The following INTS10 variants were observed in gnomAD, a reference collection of about 807,000 sequenced individuals.
INTS10 encodes chromosome 8 open reading frame 35.
A neutral mutation model predicts 94.4 loss-of-function variants in INTS10; 44 were observed. The ratio of observed to expected loss-of-function variants is 0.47; its 90% CI spans 0.37 to 0.60. INTS10 has a LOEUF of 0.60. Ranked by LOEUF, INTS10 falls within the 20% of genes least tolerant of loss-of-function variation. The pLI, the probability that INTS10 is intolerant of heterozygous loss-of-function variation, is 0.00. For synonymous variants in INTS10, 341 were observed against 320.7 expected (o/e 1.06, Z -0.68); for missense variants, 797 against 868.7 (o/e 0.92, Z 1.04).
intron 5 of INTS10, 93 bp from the exon 6 acceptor site, chr8:19,823,208 C>G: frequency 1.1e-6 from 1 of 930,700 alleles, no homozygotes; most frequent in Non-Finnish European, 1.7e-6. Context: ...ATTTTAGATA[C>G]TACATCAAAT....
intron 8 of INTS10, 35 bp downstream of exon 8, chr8:19,825,007 A>T (rs1384939145): frequency 6.4e-7 from 1 of 1,563,544 alleles, no homozygotes; most frequent in Admixed American, 1.7e-5. Context: ...CCAAAAAGCC[A>T]GTTCATACTG....
intron 12 of INTS10, among the ~76,000 whole-genome samples, chr8:19,833,953 G>A (rs866228366): frequency 1.6e-4 from 24 of 150,006 alleles, no homozygotes; most frequent in African/African-American, 5.2e-4. Context: ...GTTGCAGTGA[G>A]CCAAGATTGT....
At chr8:19,826,172 T>G (rs2128764217) in intron 8 of INTS10, among the ~76,000 whole-genome samples, 1 of 152,254 alleles carries the variant, frequency 6.6e-6, no homozygotes, top group Non-Finnish European at 1.5e-5. Context: ...CTCCGCCTCC[T>G]GGGTTCAAGC....
chr8:19,827,318 G>C (rs2066879334), intron 9 of INTS10, among the ~76,000 whole-genome samples: 1 of 152,168 alleles, frequency 6.6e-6, no homozygotes, highest in South Asian at 2.1e-4. Context: ...GCCCAAACGA[G>C]TCTCCCTCTG....
chr8:19,836,656 A>T (rs566790135), intron 12 of INTS10, among the ~76,000 whole-genome samples: 1 of 152,154 alleles, frequency 6.6e-6, no homozygotes, highest in Non-Finnish European at 1.5e-5. Context: ...GTTATGCTCT[A>T]TATCATACTC....
At chr8:19,823,694 T>C (rs1161303748) in intron 6 of INTS10, among the ~76,000 whole-genome samples, 179 bp from the exon 7 acceptor site, 1 of 152,142 alleles carries the variant, frequency 6.6e-6, no homozygotes, top group Non-Finnish European at 1.5e-5. Flanking sequence ...CATGATGAAG[T>C]AGTGGAAATT....
At chr8:19,822,044 C>G (rs964604706) in intron 4 of INTS10, 3 of 162,002 alleles carry the variant, frequency 1.9e-5, no homozygotes, top group East Asian at 1.7e-4. Context: ...TACGTTTTGT[C>G]TATATTGATA....
In INTS10 at chr8:19,817,678, G is replaced by A. The variant is rs766838033; in HGVS notation, c.129+12G>A. 1 of 1,600,164 alleles carries A rather than the reference G, an allele frequency of 6.2e-7. No homozygotes were observed. The highest frequency in any genetic ancestry group is 1.1e-5 in the South Asian group (1 of 89,164). On this transcript the variant is annotated intron_variant, in intron 1 of 16. Transcript: ENST00000397977. ...ACTTTAACATCCAGGTGAGGTCCCG[G>A]CTGTGCATGCGGCCGCTCTGCGTGG...
intron 6 of INTS10, 58 bp downstream of exon 6, chr8:19,823,499 C>A: frequency 8.6e-7 from 1 of 1,160,068 alleles, no homozygotes; most frequent in Non-Finnish European, 1.3e-6. Context: ...TTGCAAAATT[C>A]AGAAACCCCT....
intron 7 of INTS10, chr8:19,824,416 C>T: frequency 5.3e-6 from 1 of 189,718 alleles, no homozygotes; most frequent in Non-Finnish European, 1.1e-5. Flanking sequence ...CACTTGAACC[C>T]AGGACGTGGA....
chr8:19,843,342 C>G lies in INTS10; in HGVS notation c.1719+415C>G, dbSNP rs1257799341. ...TGTTGAGATCAACACCAGTAACAGCCCAACAGTTGGGAAAGTTCCGGGACT... is the reference window on the plus strand; with the variant it reads ...TGTTGAGATCAACACCAGTAACAGCGCAACAGTTGGGAAAGTTCCGGGACT... On this transcript the variant is annotated intron_variant, in intron 14 of 16. Coordinates refer to ENST00000397977, the MANE Select transcript of INTS10 (RefSeq NM_018142.4). This position sits in a 1 kb window ranked among gnomAD's most constrained non-coding sequence, Gnocchi z 4.7. 2.0e-5 allele frequency among the ~76,000 whole-genome samples: 3 copies of G among 152,080 alleles called. No individual in the cohort carries two copies. Among genetic ancestry groups the G allele is most frequent in the African/African-American group, 7.2e-5 (3 of 41,414 alleles).
chr8:19,824,635 C>T (rs373393393), intron 7 of INTS10, 168 bp from the exon 8 acceptor site: 83 of 525,474 alleles, frequency 1.6e-4, no homozygotes, highest in African/African-American at 1.4e-3. Context: ...TGATCACCAC[C>T]CTAATTCAGA....
In INTS10 at chr8:19,846,101, G is replaced by A. The variant is rs2068559481; in HGVS notation, c.1976+304G>A. On this transcript the variant is annotated intron_variant, in intron 16 of 16. Coordinates refer to ENST00000397977, the MANE Select transcript of INTS10 (RefSeq NM_018142.4). This position sits in a 1 kb window ranked among gnomAD's most constrained non-coding sequence, Gnocchi z 4.2. ...TTATAGGGTGAGTCTATAAGTTTCT[G>A]ATTAGTCACAGAGTGCCTTTAATTA... 6.6e-6 allele frequency among the ~76,000 whole-genome samples: 1 copy of A among 151,976 alleles called. No homozygotes were observed. The highest frequency in any genetic ancestry group is 2.4e-5 in the African/African-American group (1 of 41,366).
rs2068552240 is a variant in INTS10 at position 19,846,046 on chromosome 8, T to C, written c.1976+249T>C. On this transcript the variant is annotated intron_variant, in intron 16 of 16. Coordinates refer to ENST00000397977, the MANE Select transcript of INTS10 (RefSeq NM_018142.4). This position sits in a 1 kb window ranked among gnomAD's most constrained non-coding sequence, Gnocchi z 4.2. Reference sequence around the variant, plus strand: ...GCAACTTTTTCACTAGACAAAAGTCTCATTCATGATATCTTTTACTTTCAA... The same window carrying C: ...GCAACTTTTTCACTAGACAAAAGTCCCATTCATGATATCTTTTACTTTCAA... 1 of 400,008 alleles carries C rather than the reference T, an allele frequency of 2.5e-6. No homozygotes were observed. Among genetic ancestry groups the C allele is most frequent in the Non-Finnish European group, 4.6e-6 (1 of 217,556 alleles). 24.8% of individuals were successfully genotyped at this position (400,008 alleles called of 1,614,324 possible).
intron 1 of INTS10, among the ~76,000 whole-genome samples, chr8:19,817,932 A>AGCAC (rs2066061467): frequency 2.0e-5 from 3 of 152,024 alleles, no homozygotes; most frequent in African/African-American, 7.3e-5. Context: ...GGGTGTGCTT[A>AGCAC]GGTCCCTGGG....
At chr8:19,819,804 C>G in intron 3 of INTS10, 128 bp downstream of exon 3, 1 of 651,052 alleles carries the variant, frequency 1.5e-6, no homozygotes, top group Non-Finnish European at 2.7e-6. Context: ...CAACCAAAGT[C>G]TATAATAATG....
chr8:19,836,289 A>G (rs1161344818), intron 12 of INTS10, among the ~76,000 whole-genome samples: 1 of 151,968 alleles, frequency 6.6e-6, no homozygotes, highest in Non-Finnish European at 1.5e-5. Flanking sequence ...CTTGACACAG[A>G]TAAAAGGCTC....
In INTS10 at chr8:19,817,533, G is replaced by C. The variant is rs902877069; in HGVS notation, c.-5G>C. ...TCGGGCTGGCGGCTGGAGAGCGCTC[G>C]GGTCATGTCTGCCCAGGGGGACTGC... On this transcript the variant is annotated 5_prime_UTR_variant, in exon 1 of 17. Transcript: ENST00000397977. 6.2e-7 allele frequency: 1 copy of C among 1,605,316 alleles called. No homozygotes were observed. Among genetic ancestry groups the C allele is most frequent in the Admixed American group, 1.7e-5 (1 of 59,388 alleles).
Position 19,822,507 on chromosome 8 carries a change from T to G in INTS10, c.510T>G (p.Phe170Leu). The G allele has an allele frequency of 2.2e-5, 35 of 1,602,650 alleles. No individual in the cohort carries two copies. The highest frequency in any genetic ancestry group is 3.0e-5 in the Non-Finnish European group (35 of 1,169,800). ...AACAAGAATCTCCAGTGAACTGCTT[T>G]AGAAAATTATTTGGTAAGGAAAATT... ...IEEQESPVNC[F>L]RKLFVCDVLP... The change falls in exon 5 of 17, where the codon TTT becomes TTG. Residue 170 changes from phenylalanine to leucine, a missense_variant. Around this residue, in one of 3 missense-constraint regions of INTS10, gnomAD observed 734 missense variants for 787.8 expected, o/e 0.93. Coordinates refer to ENST00000397977, the MANE Select transcript of INTS10 (RefSeq NM_018142.4).
Sources: allele counts gnomAD v4.1 joint callset (sites outside exome capture counted in the v4.1 genomes callset), GRCh38; gene constraint gnomAD v4.1.1; regional missense constraint gnomAD v4.1.1; non-coding constraint Gnocchi (gnomAD v3.1); transcripts MANE v1.5; gene names NCBI Gene and HGNC (gene_info 2026-07-23, HGNC 2026-07-21).